The following STAB2 variants were observed in gnomAD, a reference collection of about 807,000 sequenced individuals.
The protein encoded by STAB2 is stabilin 2, also known as stabilin-2.
STAB2 carries 288 observed loss-of-function variants against 338.1 expected under a neutral mutation model. That is an observed-to-expected ratio of 0.85 (90% CI 0.77 to 0.94). STAB2 has a LOEUF of 0.94. STAB2 is among the 40% of genes least tolerant of loss of function. The pLI is 0.00. For missense variants in STAB2, 3,141 were observed against 3,210.1 expected (o/e 0.98, Z 0.52); for synonymous variants, 1,202 against 1,193.3 (o/e 1.01, Z -0.15).
intron 54 of STAB2, 24 bp downstream of exon 54, chr12:103,739,492 G>A: frequency 6.4e-7 from 1 of 1,559,346 alleles, no homozygotes; most frequent in South Asian, 1.2e-5. Context: ...CAGTGATAAT[G>A]TTTGGAGAGC....
At chr12:103,655,817 C>G (rs778448269) in intron 15 of STAB2, among the ~76,000 whole-genome samples, 9 of 152,100 alleles carry the variant, frequency 5.9e-5, no homozygotes, top group Admixed American at 1.3e-4. Context: ...AGACTTGATA[C>G]AGGAAATGAA....
chr12:103,593,882 A>C (rs1421901212), intron 2 of STAB2, among the ~76,000 whole-genome samples: 1 of 152,234 alleles, frequency 6.6e-6, no homozygotes, highest in Non-Finnish European at 1.5e-5. Context: ...TAAGGAACTC[A>C]TCATTTTATC....
intron 68 of STAB2, 116 bp from the exon 69 acceptor site, chr12:103,766,170 A>AT: frequency 7.4e-7 from 1 of 1,357,016 alleles, no homozygotes; most frequent in Non-Finnish European, 1.1e-6. Flanking sequence ...CGCCCAGCAC[A>AT]TACGTGTTCA....
intron 3 of STAB2, among the ~76,000 whole-genome samples, chr12:103,611,259 C>A (rs1453678942): frequency 6.6e-6 from 1 of 152,110 alleles, no homozygotes; most frequent in Non-Finnish European, 1.5e-5. Flanking sequence ...CTTTCTGTCT[C>A]GTTGATCTGT....
chr12:103,679,479 G>GA (rs1301037411), intron 25 of STAB2, among the ~76,000 whole-genome samples: 10 of 152,150 alleles, frequency 6.6e-5, no homozygotes. Flanking sequence ...TCCCACTCTT[G>GA]AAAACTGGTG....
intron 38 of STAB2, 62 bp from the exon 39 acceptor site, chr12:103,708,379 G>T: frequency 1.3e-6 from 2 of 1,536,092 alleles, no homozygotes; most frequent in South Asian, 1.1e-5. Flanking sequence ...CCTAGTAAAT[G>T]ACAAATGAGT....
In STAB2 at chr12:103,708,504, A is replaced by T; in HGVS notation, c.4256A>T (p.Asp1419Val). The change falls in exon 39 of 69, where the codon GAT becomes GTT. Residue 1419 changes from aspartate to valine, a missense_variant. By Grantham distance (152) the Asp-to-Val change is radical (BLOSUM62 -3). Coordinates refer to ENST00000388887, the MANE Select transcript of STAB2 (RefSeq NM_017564.10). ...TTGGGAGATGGCTCCTGTGACTGTG[A>T]TGTTGGCTGGCGAGGAGTGCATTGT... ...GPLGDGSCDC[D>V]VGWRGVHCDN... 6.2e-7 allele frequency: 1 copy of T among 1,614,048 alleles called. No individual in the cohort carries two copies. Among genetic ancestry groups the T allele is most frequent in the Non-Finnish European group, 8.5e-7 (1 of 1,179,936 alleles).
At chr12:103,641,856 A>G (rs1205722396) in intron 9 of STAB2, among the ~76,000 whole-genome samples, 2 of 152,200 alleles carry the variant, frequency 1.3e-5, no homozygotes, top group Non-Finnish European at 2.9e-5. Context: ...AAAAAGGCCT[A>G]AGTAAAAAAG....
intron 17 of STAB2, among the ~76,000 whole-genome samples, chr12:103,661,238 G>T (rs867033713): frequency 2.3e-5 from 3 of 129,130 alleles, no homozygotes; most frequent in East Asian, 2.1e-4. Context: ...AAAAAAAAAA[G>T]AGAGAGAGCA....
intron 6 of STAB2, among the ~76,000 whole-genome samples, chr12:103,636,320 A>T (rs1227806054): frequency 6.6e-6 from 1 of 150,708 alleles, no homozygotes; most frequent in African/African-American, 2.4e-5. Context: ...ATTCTTTAGA[A>T]TTATTTTATT....
At position 103,730,123 on chromosome 12, in the gene STAB2, T is replaced by C; in HGVS notation, c.5090T>C (p.Val1697Ala). 1 of 1,593,292 alleles carries C rather than the reference T, an allele frequency of 6.3e-7. No homozygotes were observed. Among genetic ancestry groups the C allele is most frequent in the Non-Finnish European group, 8.5e-7 (1 of 1,171,360 alleles). Residue 1697 changes from valine (V) to alanine (A), a missense_variant, in exon 49 of 69, where the codon GTG (valine) becomes GCG (alanine). By Grantham distance (64) the Val-to-Ala change is moderately conservative. Transcript: ENST00000388887. Reference sequence around the variant, plus strand: ...GTTTTTGGTTGATTTCAGAGCACGGTGTATATAAACAATAAGGCTAAGATC... The same window carrying C: ...GTTTTTGGTTGATTTCAGAGCACGGCGTATATAAACAATAAGGCTAAGATC... ...PIVISVSQST[V>A]YINNKAKIIS...
At chr12:103,603,493 C>T (rs1956984418) in intron 3 of STAB2, among the ~76,000 whole-genome samples, 1 of 152,150 alleles carries the variant, frequency 6.6e-6, no homozygotes, top group South Asian at 2.1e-4. Flanking sequence ...ATAAAATTGC[C>T]TTTGGACCAT....
rs913218876 is a variant in STAB2, at chr12:103,765,019, G to A, written c.7606-1267G>A. ...AACAGAATCGCTTGAACTGGGAGGCGGAGGTTGCAGTGAGCAGAGATTGCA... is the reference window on the plus strand; with the variant it reads ...AACAGAATCGCTTGAACTGGGAGGCAGAGGTTGCAGTGAGCAGAGATTGCA... On this transcript the variant is annotated intron_variant, in intron 68 of 68. Transcript: ENST00000388887. Among the ~76,000 whole-genome samples, 7 of 149,516 alleles carry A rather than the reference G, an allele frequency of 4.7e-5. 1 individual carries two copies. The highest frequency in any genetic ancestry group is 4.2e-4 in the South Asian group (2 of 4,746).
At chr12:103,728,746 G>T in intron 47 of STAB2, 103 bp from the exon 48 acceptor site, 1 of 1,446,934 alleles carries the variant, frequency 6.9e-7, no homozygotes. Flanking sequence ...GTCTGGGTGG[G>T]CCGAGAGGTG....
At chr12:103,663,315 T>G (rs1198111367) in intron 18 of STAB2, among the ~76,000 whole-genome samples, 1 of 152,106 alleles carries the variant, frequency 6.6e-6, no homozygotes, top group East Asian at 1.9e-4. Context: ...ATTCTGGAGG[T>G]CAGAAGTCTG....
At chr12:103,695,939 C>T (rs1878366328) in intron 33 of STAB2, 95 bp downstream of exon 33, 1 of 1,145,246 alleles carries the variant, frequency 8.7e-7, no homozygotes. Context: ...TTCACTCCTT[C>T]ATCCTTGTCC....
chr12:103,660,491 C>G lies in STAB2; in HGVS notation c.1788+107C>G, dbSNP rs886877867. On this transcript the variant is annotated intron_variant, in intron 16 of 68. Coordinates refer to ENST00000388887, the MANE Select transcript of STAB2 (RefSeq NM_017564.10). ...TAGAAAATGTCCTTTATCTGTAGCT[C>G]TGAATAAACCCTCAGCCATGAACAA... 15 of 1,394,328 alleles carry G rather than the reference C, an allele frequency of 1.1e-5. 1 individual carries two copies. The Admixed American group carries it at 2.5e-4, about 23-fold the overall frequency. 86.4% of individuals were successfully genotyped at this position (1,394,328 alleles called of 1,614,324 possible).
At chr12:103,629,068 G>A (rs974338206) in intron 5 of STAB2, among the ~76,000 whole-genome samples, 3 of 152,138 alleles carry the variant, frequency 2.0e-5, no homozygotes, top group Non-Finnish European at 2.9e-5. Flanking sequence ...CAGAGGTGGG[G>A]AGGTCATTCC....
At position 103,742,330 on chromosome 12, in the gene STAB2, C is replaced by T. The variant is rs1383012836; in HGVS notation, c.5882-75C>T. ...CTGGGCTAACAGAAGTCAGATGCCA[C>T]AGCACATTTACAAAGGTGCTGAGCT... On this transcript the variant is annotated intron_variant, in intron 55 of 68. Transcript: ENST00000388887. The T allele has an allele frequency of 1.1e-5, 17 of 1,558,228 alleles. No individual in the cohort carries two copies. The East Asian group carries it at 1.1e-4, about 10-fold the overall frequency.
Sources: gnomAD v4.1 joint callset for allele counts (sites outside exome capture counted in the v4.1 genomes callset) on GRCh38, gnomAD v4.1.1 for gene constraint, MANE v1.5 for transcripts, NCBI Gene and HGNC (gene_info 2026-07-23, HGNC 2026-07-21) for gene names.